Variants in CLBA1 observed in about 807,000 individuals in gnomAD.
CLBA1 encodes the protein uncharacterized protein CLBA1.
CLBA1 carries 30 observed loss-of-function variants against 28.8 expected under a neutral mutation model. The ratio of observed to expected loss-of-function variants is 1.04; its 90% CI spans 0.78 to 1.41. The LOEUF is 1.41. Ranked by LOEUF, CLBA1 falls within the 40% of genes most tolerant of loss-of-function variation. CLBA1 has a pLI of 0.00. For synonymous variants in CLBA1, 160 were observed against 152.8 expected, an observed-to-expected ratio of 1.05 and a Z score of -0.35; for missense variants, 451 against 412.3, an observed-to-expected ratio of 1.09 and a Z score of -0.81.
downstream of CLBA1, chr14:104,995,576 G>T (rs1011876712): frequency 1.1e-6 from 1 of 922,070 alleles, no homozygotes; most frequent in African/African-American, 1.8e-5. Flanking sequence ...GTCCCCAGGG[G>T]AGGCCTGAAG....
Position 104,988,943 on chromosome 14 carries a change from C to T in CLBA1, c.424C>T (p.Pro142Ser), listed in dbSNP as rs531787654. Reference protein sequence around the residue: ...TGTSAVPPSEPILSYENILKC... With the variant: ...TGTSAVPPSESILSYENILKC... ...TATGCTTTTCTTCTTTTCTTTTCAG[C>T]CCATTCTCAGCTATGAGAACATTTT... is the stretch of plus-strand genomic sequence containing the variant. Residue 142 changes from proline to serine, a missense_variant and splice_region_variant, in exon 2 of 5, where the codon CCC (proline) becomes TCC (serine). Coordinates refer to ENST00000547315, the MANE Select transcript of CLBA1 (RefSeq NM_174891.4). 5.0e-6 allele frequency: 8 copies of T among 1,602,586 alleles called. No individual in the cohort carries two copies. The South Asian group carries it at 5.7e-5, about 11-fold the overall frequency.
chr14:104,997,348 G>C (rs1900173468), downstream of CLBA1, among the ~76,000 whole-genome samples: 1 of 152,242 alleles, frequency 6.6e-6, no homozygotes, highest in Non-Finnish European at 1.5e-5. Context: ...GAAGACGACA[G>C]AGGGTCCAAG....
chr14:104,989,444 G>GA, intron 2 of CLBA1: 2 of 396,774 alleles, frequency 5.0e-6, no homozygotes, highest in Non-Finnish European at 1.0e-5. Flanking sequence ...CCTTCTGGGG[G>GA]ACTTGGCTGA....
downstream of CLBA1, among the ~76,000 whole-genome samples, chr14:104,998,000 C>T (rs1182367483): frequency 6.6e-6 from 1 of 151,002 alleles, no homozygotes; most frequent in Non-Finnish European, 1.5e-5. Context: ...CAGAGTGAGA[C>T]TCTATCTCAA....
chr14:105,000,754 C>T lies in CLBA1; in HGVS notation n.216+7690C>T, dbSNP rs76159666. On this transcript the variant is annotated intron_variant and non_coding_transcript_variant, in intron 2 of 2. Transcript: ENST00000548178. Reference sequence around the variant, plus strand: ...TGGCTATTCTAAACAGATGAAATGTCGGTGATGGTGTAGAGAAATGGGAAT... The same window carrying T: ...TGGCTATTCTAAACAGATGAAATGTTGGTGATGGTGTAGAGAAATGGGAAT... Among the ~76,000 whole-genome samples the T allele has an allele frequency of 9.1e-3, 1,379 of 152,066 alleles. 16 individuals carry two copies. The highest frequency in any genetic ancestry group is 0.031 in the African/African-American group (1,295 of 41,442).
chr14:104,988,752 C>T (rs1447628646), intron 1 of CLBA1, among the ~76,000 whole-genome samples, 191 bp from the exon 2 acceptor site: 1 of 152,216 alleles, frequency 6.6e-6, no homozygotes, highest in Non-Finnish European at 1.5e-5. Context: ...CCACCTTTCC[C>T]ATGAGTCCTC....
chr14:104,987,823 G>A (rs982460534), intron 1 of CLBA1, among the ~76,000 whole-genome samples: 1 of 150,620 alleles, frequency 6.6e-6, no homozygotes, highest in African/African-American at 2.4e-5. Context: ...GTTTAGTAGA[G>A]ACTGGGTTTT....
chr14:104,994,051 G>A (rs962197817), intron 4 of CLBA1: 10 of 984,888 alleles, frequency 1.0e-5, no homozygotes, highest in African/African-American at 3.5e-5. Context: ...GGTGACAGGC[G>A]ACAGGTGCCA....
chr14:104,989,705 G>A (rs1352031724), intron 2 of CLBA1: 27 of 456,060 alleles, frequency 5.9e-5, no homozygotes, highest in Admixed American at 1.6e-4. Context: ...TGAGAAGCTC[G>A]AGGTAAGTTG....
At chr14:104,989,457 G>A (rs1566932501) in intron 2 of CLBA1, 2 of 399,004 alleles carry the variant, frequency 5.0e-6, no homozygotes, top group Non-Finnish European at 5.1e-6. Flanking sequence ...TTGGCTGAGT[G>A]GGCACCGGCT....
At chr14:104,989,370 GGAGTGGGTGGGGGCCTCGCATTCAGTGC>G (rs1454510129) in intron 2 of CLBA1, 25 of 438,206 alleles carry the variant, frequency 5.7e-5, no homozygotes, top group Non-Finnish European at 9.0e-5. Flanking sequence ...CAGTGCTGGT[GGAGTGGGTGGGGGCCTCGCATTCAGTGC>G]GAGTGGCTGG....
downstream of CLBA1, among the ~76,000 whole-genome samples, chr14:104,997,561 A>C (rs1325873340): frequency 6.6e-6 from 1 of 152,262 alleles, no homozygotes; most frequent in Non-Finnish European, 1.5e-5. Flanking sequence ...CACATCCTAC[A>C]GGCCTTAAAG....
In CLBA1 at chr14:104,993,494, C is replaced by G. The variant is rs1900093961; in HGVS notation, c.816+430C>G. ...GGCGGCTTCAGTCACGGGCCGCTTA[C>G]CCTACACAGGGTCTGCCCACAGCTT... On this transcript the variant is annotated intron_variant, in intron 4 of 4. Transcript: ENST00000547315. The G allele has an allele frequency of 1.1e-5, 11 of 985,436 alleles. No individual in the cohort carries two copies. The South Asian group carries it at 5.2e-4, about 46-fold the overall frequency. 61.0% of individuals were successfully genotyped at this position (985,436 alleles called of 1,614,324 possible).
At chr14:104,989,135 T>C (rs767590407) in intron 2 of CLBA1, 47 bp downstream of exon 2, 43 of 1,584,932 alleles carry the variant, frequency 2.7e-5, no homozygotes, top group South Asian at 1.0e-4. Flanking sequence ...TTTTGTACTT[T>C]TGTTTGATAA....
rs890769859 is a variant in CLBA1, at chr14:104,993,316, C to T, written c.816+252C>T. 11 of 985,242 alleles carry T rather than the reference C, an allele frequency of 1.1e-5. No individual in the cohort carries two copies. The East Asian group carries it at 4.5e-4, about 41-fold the overall frequency. The allele number at this position is 985,242 out of a possible 1,614,324, so 61.0% of individuals were successfully genotyped here. ...GAGGACCCAGGATATGGGTGGGTCA[C>T]GCAGGAGAAGCCAGGGAGAGAAGAG... On this transcript the variant is annotated intron_variant, in intron 4 of 4. Transcript: ENST00000547315.
At chr14:104,991,359 C>A (rs905577687) in intron 2 of CLBA1, 132 bp from the exon 3 acceptor site, 4 of 1,048,586 alleles carry the variant, frequency 3.8e-6, no homozygotes, top group East Asian at 2.6e-5. Context: ...AACAGCCATA[C>A]GCCTCTTGGC....
intron 2 of CLBA1, chr14:104,989,375 G>A (rs1899955293): frequency 2.3e-6 from 1 of 434,474 alleles, no homozygotes; most frequent in Admixed American, 3.4e-5. Context: ...CTGGTGGAGT[G>A]GGTGGGGGCC....
intron 2 of CLBA1, 69 bp from the exon 3 acceptor site, chr14:104,991,422 G>A (rs1175196697): frequency 9.4e-6 from 15 of 1,595,908 alleles, no homozygotes; most frequent in East Asian, 4.5e-5. Context: ...TGCGTGCCTC[G>A]GGCCGTGCCT....
Position 104,986,557 on chromosome 14 carries a change from C to T in CLBA1, c.126C>T (p.Cys42=). 1 of 1,614,044 alleles carries T rather than the reference C, an allele frequency of 6.2e-7. No individual in the cohort carries two copies. Among genetic ancestry groups the T allele is most frequent in the Non-Finnish European group, 8.5e-7 (1 of 1,180,024 alleles). Residue 42 remains cysteine (C), a synonymous_variant, in exon 1 of 5, where the codon TGC becomes TGT. Transcript: ENST00000547315. ...ACAGTTTGGAATGGAGACGGACCTG[C>T]CCCGACCTTCTCCTGTCCGATGGGA... ...SDDSLEWRRT[C]PDLLLSDGKA...
Sources: gnomAD v4.1 joint callset for allele counts (sites outside exome capture counted in the v4.1 genomes callset) on GRCh38, gnomAD v4.1.1 for gene constraint, MANE v1.5 for transcripts, NCBI Gene and HGNC (gene_info 2026-07-23, HGNC 2026-07-21) for gene names.